PIK3C2B: variants seen among roughly 807,000 people sequenced by gnomAD.
PIK3C2B encodes phosphatidylinositol 4-phosphate 3-kinase C2 domain-containing subunit beta.
A neutral mutation model predicts 184.3 loss-of-function variants in PIK3C2B; 83 were observed. That is an observed-to-expected ratio of 0.45 (90% confidence interval 0.38 to 0.54). The LOEUF is 0.54. Ranked by LOEUF, PIK3C2B falls within the 20% of genes least tolerant of loss-of-function variation. The pLI is 0.00. For missense variants in PIK3C2B, 1,736 were observed against 2,113.5 expected, an observed-to-expected ratio of 0.82 and a Z score of 3.50; for synonymous variants, 779 against 837.6, an observed-to-expected ratio of 0.93 and a Z score of 1.21.
In PIK3C2B at chr1:204,433,407, G is replaced by A. The variant is rs1313406950; in HGVS notation, c.3862C>T (p.Pro1288Ser). The A allele has an allele frequency of 1.9e-6, 3 of 1,601,888 alleles. No homozygotes were observed. Among genetic ancestry groups the A allele is most frequent in the South Asian group, 1.1e-5 (1 of 90,792 alleles). Residue 1288 changes from proline to serine, a missense_variant, in exon 26 of 33, where the codon CCT becomes TCT. Pro to Ser is a moderately conservative substitution (Grantham distance 74). Around this residue, in one of 8 missense-constraint regions of PIK3C2B, gnomAD observed 119 missense variants for 179.3 expected, o/e 0.66. Coordinates refer to ENST00000684373, the MANE Select transcript of PIK3C2B (RefSeq NM_001377334.1). The surrounding 1 kb of genome is among the most constrained non-coding windows in gnomAD (Gnocchi z 5.0). ...AGGTCCTCCAGGTCTGAGAGTTCAG[G>A]GATCCCACAGGACAACATCTAGAAG... The part of the protein sequence containing the change: ...LLGLMLSCGI[P>S]ELSDLEDLKY...
At chr1:204,463,199 C>CCT (rs1228847176) in intron 5 of PIK3C2B, among the ~76,000 whole-genome samples, 2 of 152,206 alleles carry the variant, frequency 1.3e-5, no homozygotes, top group Non-Finnish European at 2.9e-5. Flanking sequence ...ATAGGGCACT[C>CCT]CTAAGAAGTG....
Position 204,433,904 on chromosome 1 carries a change from G to C in PIK3C2B, c.3732C>G (p.Ile1244Met). The C allele has an allele frequency of 1.2e-6, 2 of 1,614,106 alleles. No homozygotes were observed. The highest frequency in any genetic ancestry group is 2.2e-5 in the South Asian group (2 of 91,080). The change falls in exon 25 of 33, where the codon ATC becomes ATG. Residue 1244 changes from isoleucine to methionine, a missense_variant. Physicochemically the swap from Ile to Met is conservative, Grantham distance 10 (BLOSUM62 1). Transcript: ENST00000684373. This position sits in a 1 kb window ranked among gnomAD's most constrained non-coding sequence, Gnocchi z 5.0. ...FVFTSDMAYV[I>M]NGGDKPSSRF... The stretch of plus-strand genomic sequence containing the variant: ...GGCTGGAAGGCTTGTCACCCCCGTT[G>C]ATGACATACGCCATGTCCGAGGTGA...
At chr1:204,479,087 G>T (rs944037340) in intron 1 of PIK3C2B, among the ~76,000 whole-genome samples, 3 of 152,194 alleles carry the variant, frequency 2.0e-5, no homozygotes, top group African/African-American at 7.2e-5. Context: ...TTCCTCTAGA[G>T]CTGGCAATTT....
At chr1:204,442,704 G>A (rs1195511003) in intron 19 of PIK3C2B, 71 bp from the exon 20 acceptor site, 2 of 1,060,724 alleles carry the variant, frequency 1.9e-6, no homozygotes, top group African/African-American at 3.1e-5. Flanking sequence ...CCTCTCCCAG[G>A]GGTGGGTTCT....
intron 14 of PIK3C2B, among the ~76,000 whole-genome samples, chr1:204,448,560 C>T (rs1654070619): frequency 6.6e-6 from 1 of 150,524 alleles, no homozygotes; most frequent in Non-Finnish European, 1.5e-5. Context: ...ATGATTTGTG[C>T]CTGGGAGGCA....
intron 1 of PIK3C2B, chr1:204,489,879 C>T: frequency 2.5e-6 from 1 of 397,220 alleles, no homozygotes; most frequent in Non-Finnish European, 4.4e-6. Context: ...TTTTGGCCCT[C>T]TACTCTTCTT....
intron 12 of PIK3C2B, among the ~76,000 whole-genome samples, chr1:204,452,097 T>C (rs1316356322): frequency 6.6e-6 from 1 of 152,100 alleles, no homozygotes; most frequent in East Asian, 1.9e-4. Context: ...GGATGGACAG[T>C]GCAAGATAGT....
intron 1 of PIK3C2B, among the ~76,000 whole-genome samples, chr1:204,488,795 T>C (rs1201033825): frequency 6.6e-6 from 1 of 152,192 alleles, no homozygotes. Flanking sequence ...GCCCCACTGA[T>C]GAGTTCACAA....
chr1:204,469,372 G>A lies in PIK3C2B; in HGVS notation c.431C>T (p.Pro144Leu), dbSNP rs1572376477. Reference sequence around the variant, plus strand: ...CTTGCAAGAGCCCTCTATGTCCCCTGGTCCTGGGGACGAAGAGACTCCCCC... The same window carrying A: ...CTTGCAAGAGCCCTCTATGTCCCCTAGTCCTGGGGACGAAGAGACTCCCCC... ...SDGGVSSSPG[P>L]GDIEGSCKKL... Residue 144 changes from proline to leucine, a missense_variant, in exon 2 of 33, where the codon CCA becomes CTA. Around this residue, in one of 8 missense-constraint regions of PIK3C2B, gnomAD observed 404 missense variants for 418.0 expected, o/e 0.97. Coordinates refer to ENST00000684373, the MANE Select transcript of PIK3C2B (RefSeq NM_001377334.1). 1.3e-6 allele frequency: 2 copies of A among 1,530,678 alleles called. No homozygotes were observed. Among genetic ancestry groups the A allele is most frequent in the East Asian group, 2.3e-5 (1 of 44,268 alleles). The allele number at this position is 1,530,678 out of a possible 1,614,324, so 94.8% of individuals were successfully genotyped here. A position where few individuals can be genotyped will look rare whatever the true frequency, so the allele number is the denominator to read the frequency against.
chr1:204,458,640 C>G (rs1002146073), intron 8 of PIK3C2B, among the ~76,000 whole-genome samples: 2 of 151,932 alleles, frequency 1.3e-5, no homozygotes, highest in African/African-American at 4.8e-5. Context: ...ATTACAGGCG[C>G]CTGCAACCAC....
Position 204,461,956 on chromosome 1 carries a change from C to T in PIK3C2B, c.1311-1295G>A, listed in dbSNP as rs544353949. ...GGAACTAGCAGATTTCTGGAACCCC[C>T]GGAGCGTCCTTTCCACCCCCATCCC... is the stretch of plus-strand genomic sequence containing the variant. On this transcript the variant is annotated intron_variant, in intron 5 of 32. Coordinates refer to ENST00000684373, the MANE Select transcript of PIK3C2B (RefSeq NM_001377334.1). Among the ~76,000 whole-genome samples the T allele has an allele frequency of 1.5e-4, 23 of 152,226 alleles. No homozygotes were observed. The East Asian group carries it at 1.7e-3, about 12-fold the overall frequency.
chr1:204,432,526 C>T, intron 26 of PIK3C2B, 125 bp from the exon 27 acceptor site: 2 of 725,598 alleles, frequency 2.8e-6, no homozygotes, highest in Admixed American at 4.3e-5. Flanking sequence ...AACCATTTTC[C>T]TGTGTCATAT....
chr1:204,448,496 G>A (rs1287059196), intron 14 of PIK3C2B, among the ~76,000 whole-genome samples: 2 of 152,062 alleles, frequency 1.3e-5, no homozygotes, highest in Admixed American at 1.3e-4. Context: ...AAATTAGCCG[G>A]GCGTGGTGGT....
At chr1:204,460,039 C>T (rs1435676626) in intron 7 of PIK3C2B, 98 bp from the exon 8 acceptor site, 1 of 954,158 alleles carries the variant, frequency 1.0e-6, no homozygotes, top group African/African-American at 1.6e-5. Context: ...AGCTCACACT[C>T]TGATTTAAAG....
In PIK3C2B at chr1:204,446,090, C is replaced by T. The variant is rs200182202; in HGVS notation, c.2544G>A (p.Ser848=). ...RLWEKRYYCH[S]EVSSLPLVLA... is the part of the protein sequence containing the mutation. ...GCACCAGGGGGAGCGAGCTCACCTC[C>T]GAGTGGCAGTAATATCGCTTCTCCC... Residue 848 remains serine, a synonymous_variant, in exon 16 of 33, where the codon TCG becomes TCA. Coordinates refer to ENST00000684373, the MANE Select transcript of PIK3C2B (RefSeq NM_001377334.1). 7.6e-5 allele frequency: 122 copies of T among 1,595,270 alleles called. No homozygotes were observed. Among genetic ancestry groups the T allele is most frequent in the Admixed American group, 1.9e-4 (11 of 57,770 alleles).
chr1:204,472,624 C>CA (rs915217635), intron 1 of PIK3C2B, among the ~76,000 whole-genome samples: 10 of 151,948 alleles, frequency 6.6e-5, no homozygotes, highest in African/African-American at 2.4e-4. Flanking sequence ...ACTAAAAATA[C>CA]AAAAAATTAG....
In PIK3C2B at chr1:204,425,947, A is replaced by G. The variant is rs377155411; in HGVS notation, c.4588-206T>C. Among the ~76,000 whole-genome samples, 5 of 152,316 alleles carry G rather than the reference A, an allele frequency of 3.3e-5. No individual in the cohort carries two copies. The South Asian group carries it at 6.2e-4, about 19-fold the overall frequency. ...AACATTGTGTCCTATTAAAACATCA[A>G]TTGGTTTGCCTATGATATCAAGTCT... On this transcript the variant is annotated intron_variant, in intron 31 of 32. Transcript: ENST00000684373.
intron 32 of PIK3C2B, 63 bp from the exon 33 acceptor site, chr1:204,425,103 A>C (rs887188906): frequency 1.4e-5 from 19 of 1,380,540 alleles, no homozygotes; most frequent in African/African-American, 4.3e-5. Flanking sequence ...TCCAGAGGGA[A>C]CCCGAGAGGG....
Position 204,457,784 on chromosome 1 carries a change from T to G in PIK3C2B, c.1657A>C (p.Ser553Arg). 1 of 1,613,262 alleles carries G rather than the reference T, an allele frequency of 6.2e-7. No homozygotes were observed. Among genetic ancestry groups the G allele is most frequent in the Non-Finnish European group, 8.5e-7 (1 of 1,179,518 alleles). Residue 553 changes from serine to arginine, a missense_variant, in exon 9 of 33, where the codon AGT becomes CGT. Physicochemically the swap from Ser to Arg is moderately radical, Grantham distance 110. Transcript: ENST00000684373. ...LAAVETPEIT[S>R]ALNQLPPCPS... ...CAGGGGGGCAGCTGGTTGAGAGCAC[T>G]GGTGATCTCAGGGGTTTCCACGGCG...
Sources: gnomAD v4.1 joint callset for allele counts (sites outside exome capture counted in the v4.1 genomes callset) on GRCh38, gnomAD v4.1.1 for gene constraint, gnomAD v4.1.1 regional missense constraint, Gnocchi (gnomAD v3.1) non-coding constraint, MANE v1.5 for transcripts, NCBI Gene and HGNC (gene_info 2026-07-23, HGNC 2026-07-21) for gene names.